DNAAF4: variants seen among roughly 807,000 people sequenced by gnomAD.
DNAAF4 encodes the protein dynein assembly factor 4, axonemal.
Under a neutral mutation model 51.8 loss-of-function variants are expected in DNAAF4, and 43 were observed. That is an observed-to-expected ratio of 0.83 (90% CI 0.65 to 1.07). The LOEUF is 1.07. Among genes scored for constraint, DNAAF4 ranks in the 50% least tolerant of loss-of-function variants. The probability of loss-of-function intolerance (pLI) is 0.00; values close to 1 mark genes in which losing one functional copy is unlikely to be tolerated. For synonymous variants in DNAAF4, 194 were observed against 165.6 expected, an observed-to-expected ratio of 1.17 and a Z score of -1.32; for missense variants, 581 against 493.0, an observed-to-expected ratio of 1.18 and a Z score of -1.69.
At chr15:55,454,970 A>C (rs2057995305) in intron 5 of DNAAF4, among the ~76,000 whole-genome samples, 1 of 151,630 alleles carries the variant, frequency 6.6e-6, no homozygotes, top group Admixed American at 6.6e-5. Flanking sequence ...GAAATTAATA[A>C]ATTATATAAT....
intron 5 of DNAAF4, among the ~76,000 whole-genome samples, chr15:55,453,426 A>G (rs953381278): frequency 2.3e-4 from 35 of 152,042 alleles, no homozygotes; most frequent in African/African-American, 8.5e-4. Context: ...TAGCACAACA[A>G]TCTGAAAGAG....
downstream of DNAAF4, among the ~76,000 whole-genome samples, chr15:55,428,493 T>TC (rs2057453949): frequency 7.7e-6 from 1 of 130,320 alleles, no homozygotes; most frequent in African/African-American, 2.9e-5. Flanking sequence ...TCTTTTTTTT[T>TC]TTTTTTTTTT....
chr15:55,441,019 C>T (rs1032807946), intron 6 of DNAAF4, among the ~76,000 whole-genome samples: 94 of 151,086 alleles, frequency 6.2e-4, no homozygotes, highest in African/African-American at 2.3e-3. Flanking sequence ...GGTGGAAATA[C>T]AATAGATAAA....
downstream of DNAAF4, among the ~76,000 whole-genome samples, chr15:55,428,156 G>A (rs747131330): frequency 3.3e-5 from 5 of 151,890 alleles, no homozygotes; most frequent in Non-Finnish European, 5.9e-5. Context: ...GTTTCACCAT[G>A]TTGGCCAGGC....
At chr15:55,495,896 A>T (rs762615365) in intron 3 of DNAAF4, among the ~76,000 whole-genome samples, 12 of 152,192 alleles carry the variant, frequency 7.9e-5, no homozygotes, top group Non-Finnish European at 1.6e-4. Context: ...AGCACTGACA[A>T]CTAGCTTAAT....
At chr15:55,439,035 T>C (rs2057664526) in intron 7 of DNAAF4, among the ~76,000 whole-genome samples, 1 of 152,230 alleles carries the variant, frequency 6.6e-6, no homozygotes, top group Admixed American at 6.5e-5. Context: ...GTCTACCTTA[T>C]TTGCTTATTT....
Position 55,498,593 on chromosome 15 carries a change from G to GAA in DNAAF4, c.-255-11_-255-10dup, listed in dbSNP as rs3049057. 0.037 allele frequency: 2,752 copies of GAA among 74,632 alleles called. 309 individuals are homozygous for GAA. The highest frequency in any genetic ancestry group is 0.15 in the African/African-American group (2,657 of 17,144). 4.6% of individuals were successfully genotyped at this position (74,632 alleles called of 1,614,324 possible). A position where few individuals can be genotyped will look rare whatever the true frequency, so the allele number is the denominator to read the frequency against. On this transcript the variant is annotated splice_polypyrimidine_tract_variant and intron_variant, in intron 1 of 9. Transcript: ENST00000321149. ...AAGTAGACCCATACCCTCTGCTTGA[G>GAA]AAAAAAAAAAAAAAAAAAAAGCACT...
At chr15:55,492,112 C>A (rs936102516) in intron 3 of DNAAF4, among the ~76,000 whole-genome samples, 3 of 152,018 alleles carry the variant, frequency 2.0e-5, no homozygotes, top group African/African-American at 7.2e-5. Context: ...CTACCTTGGC[C>A]TCCCAAAGTG....
At chr15:55,450,100 G>C (rs990285489) in intron 6 of DNAAF4, 122 bp downstream of exon 6, 1 of 1,115,370 alleles carries the variant, frequency 9.0e-7, no homozygotes, top group Non-Finnish European at 1.2e-6. Flanking sequence ...ACATATTCAT[G>C]ACGTTATTTC....
intron 3 of DNAAF4, 61 bp downstream of exon 3, chr15:55,497,651 T>A (rs552098174): frequency 6.5e-7 from 1 of 1,532,368 alleles, no homozygotes; most frequent in Admixed American, 2.2e-5. Context: ...AATAAAATTT[T>A]TTAAAAGGTC....
chr15:55,428,316 C>A (rs1264517019), downstream of DNAAF4, among the ~76,000 whole-genome samples: 1 of 152,002 alleles, frequency 6.6e-6, no homozygotes, highest in Non-Finnish European at 1.5e-5. Flanking sequence ...CGTCCCCAGG[C>A]AAGAAGGAGG....
chr15:55,473,221 A>ATG (rs1269364939), intron 4 of DNAAF4, among the ~76,000 whole-genome samples: 16,696 of 97,098 alleles, frequency 0.17, 2,583 homozygotes, highest in Non-Finnish European at 0.24. Context: ...ATATATATAT[A>ATG]TGTGTGTGTG....
intron 1 of DNAAF4, among the ~76,000 whole-genome samples, chr15:55,499,682 T>A (rs2058683473): frequency 6.6e-6 from 1 of 152,216 alleles, no homozygotes; most frequent in South Asian, 2.1e-4. Context: ...GAAACCACCC[T>A]ATGATTCATC....
intron 1 of DNAAF4, among the ~76,000 whole-genome samples, chr15:55,507,860 A>G (rs1000010843): frequency 2.0e-5 from 3 of 152,144 alleles, no homozygotes; most frequent in Non-Finnish European, 4.4e-5. Flanking sequence ...AATAAATAAA[A>G]TAAATAAATA....
At chr15:55,486,145 T>C (rs2058484987) in intron 4 of DNAAF4, among the ~76,000 whole-genome samples, 1 of 151,770 alleles carries the variant, frequency 6.6e-6, no homozygotes. Flanking sequence ...TCCCTTTCTG[T>C]TGATGACCCT....
chr15:55,473,694 C>A (rs542284055), intron 4 of DNAAF4, among the ~76,000 whole-genome samples: 2 of 151,904 alleles, frequency 1.3e-5, no homozygotes, highest in South Asian at 4.2e-4. Context: ...TACTTCATGA[C>A]GAAATATTAG....
Position 55,497,800 on chromosome 15 carries a change from G to A in DNAAF4, c.183C>T (p.Ser61=). Residue 61 remains serine, a synonymous_variant, in exon 3 of 10, where the codon AGC becomes AGT. Coordinates refer to ENST00000321149, the MANE Select transcript of DNAAF4 (RefSeq NM_130810.4). ...TGTCATTCCCAATCTTTGCTTTGCTGCTCTCATCGTCTATGGGAGCATAAA... is the reference window on the plus strand; with the variant it reads ...TGTCATTCCCAATCTTTGCTTTGCTACTCTCATCGTCTATGGGAGCATAAA... ...AFLYAPIDDE[S]SKAKIGNDTI... is the part of the protein sequence containing the mutation. The A allele has an allele frequency of 6.2e-7, 1 of 1,613,772 alleles. No individual in the cohort carries two copies. The highest frequency in any genetic ancestry group is 8.5e-7 in the Non-Finnish European group (1 of 1,179,892).
At chr15:55,435,205 T>C in intron 7 of DNAAF4, 147 bp from the exon 8 acceptor site, 1 of 751,248 alleles carries the variant, frequency 1.3e-6, no homozygotes, top group Non-Finnish European at 2.0e-6. Flanking sequence ...AATCCATCTC[T>C]TTTCACATAT....
At chr15:55,445,866 GCTC>G (rs1297846294) in intron 6 of DNAAF4, among the ~76,000 whole-genome samples, 1 of 132,596 alleles carries the variant, frequency 7.5e-6, no homozygotes, top group Non-Finnish European at 1.6e-5. Context: ...GGGCAGAGGC[GCTC>G]CTCACTTCCC....
Sources: allele counts gnomAD v4.1 joint callset (sites outside exome capture counted in the v4.1 genomes callset), GRCh38; gene constraint gnomAD v4.1.1; transcripts MANE v1.5; gene names NCBI Gene and HGNC (gene_info 2026-07-23, HGNC 2026-07-21).